ASMTL: variants seen among roughly 807,000 people sequenced by gnomAD.
ASMTL encodes the protein probable bifunctional dTTP/UTP pyrophosphatase/methyltransferase protein.
Under a neutral mutation model 60.3 loss-of-function variants are expected in ASMTL, and 57 were observed. That is an observed-to-expected ratio of 0.95 (90% confidence interval 0.76 to 1.18). ASMTL has a LOEUF of 1.18. Among genes scored for constraint, ASMTL ranks in the 50% most tolerant of loss-of-function variants. The pLI, the probability that ASMTL is intolerant of heterozygous loss-of-function variation, is 0.00. For missense variants in ASMTL, 981 were observed against 852.6 expected, an observed-to-expected ratio of 1.15 and a Z score of -1.88; for synonymous variants, 419 against 373.0, an observed-to-expected ratio of 1.12 and a Z score of -1.42.
chrX:1,439,945 C>T (rs1213705381), intron 2 of ASMTL, among the ~76,000 whole-genome samples: 1 of 152,068 alleles, frequency 6.6e-6, no homozygotes, highest in Non-Finnish European at 1.5e-5. Context: ...AACAGGCAGT[C>T]ACAGGACATC....
At chrX:1,434,365 C>T (rs1266618177) in intron 5 of ASMTL, among the ~76,000 whole-genome samples, 1 of 151,726 alleles carries the variant, frequency 6.6e-6, no homozygotes, top group Non-Finnish European at 1.5e-5. Flanking sequence ...TGGCGTGTGC[C>T]TGTAGTTTCT....
intron 4 of ASMTL, 191 bp downstream of exon 4, chrX:1,435,503 C>G (rs1340618023): frequency 4.6e-6 from 3 of 655,344 alleles, no homozygotes; most frequent in Non-Finnish European, 8.4e-6. Flanking sequence ...GCTGCAGAAT[C>G]CTAGACAAGG....
At chrX:1,415,211 G>GC (rs1268611608) in intron 11 of ASMTL, among the ~76,000 whole-genome samples, 4 of 4,176 alleles carry the variant, frequency 9.6e-4, no homozygotes, top group African/African-American at 1.1e-3. Context: ...AGAGGGCTGG[G>GC]ATTCCAGGCG....
intron 12 of ASMTL, among the ~76,000 whole-genome samples, chrX:1,404,837 T>G (rs2089748276): frequency 6.6e-6 from 1 of 151,580 alleles, no homozygotes; most frequent in African/African-American, 2.4e-5. Flanking sequence ...TGGTAGCTGA[T>G]GGATAGGTAG....
At chrX:1,427,157 G>A (rs1248538616) in intron 7 of ASMTL, among the ~76,000 whole-genome samples, 43 of 152,092 alleles carry the variant, frequency 2.8e-4, no homozygotes, top group African/African-American at 9.6e-4. Flanking sequence ...AGAAGGCCAC[G>A]TGGAGACAAA....
chrX:1,443,607 G>A (rs113093746), intron 1 of ASMTL, among the ~76,000 whole-genome samples: 21,324 of 142,392 alleles, frequency 0.15, 1,899 homozygotes, highest in Middle Eastern at 0.19. Context: ...GACAGACACC[G>A]CCATCGTGGA....
intron 1 of ASMTL, among the ~76,000 whole-genome samples, chrX:1,446,437 C>T (rs1450875273): frequency 6.6e-6 from 1 of 151,892 alleles, no homozygotes; most frequent in Non-Finnish European, 1.5e-5. Flanking sequence ...TCTACACTCT[C>T]ATGCCTCCGC....
rs377326245 is a variant in ASMTL at position 1,418,967 on chromosome X, G to C, written c.1378+15C>G. ...AAACGAAAGTAAGGAGAGCCCTGGC[G>C]GGGGGGCCACCCACCTCCCACGTCG... On this transcript the variant is annotated intron_variant, in intron 10 of 12. Transcript: ENST00000381317. 74 of 1,601,942 alleles carry C rather than the reference G, an allele frequency of 4.6e-5. No homozygotes were observed. The highest frequency in any genetic ancestry group is 2.3e-4 in the African/African-American group (15 of 66,274).
chrX:1,403,532 G>T, intron 12 of ASMTL, 43 bp from the exon 13 acceptor site: 1 of 1,582,336 alleles, frequency 6.3e-7, no homozygotes, highest in Non-Finnish European at 8.7e-7. Flanking sequence ...CCAGCCAGGC[G>T]GGGATCCTTC....
At chrX:1,404,380 AGAT>A (rs1484578662) in intron 12 of ASMTL, among the ~76,000 whole-genome samples, 1 of 150,022 alleles carries the variant, frequency 6.7e-6, no homozygotes, top group African/African-American at 2.5e-5. Context: ...AATAGATGGT[AGAT>A]GATGGGTAGG....
intron 9 of ASMTL, 56 bp downstream of exon 9, chrX:1,421,602 G>C: frequency 6.3e-7 from 1 of 1,588,190 alleles, no homozygotes; most frequent in South Asian, 1.1e-5. Context: ...GTGTGTCAAA[G>C]TGTTTTAGCA....
At chrX:1,434,935 C>G (rs181763123) in intron 5 of ASMTL, 87 bp downstream of exon 5, 17 of 1,460,630 alleles carry the variant, frequency 1.2e-5, no homozygotes, top group Non-Finnish European at 9.5e-7. Flanking sequence ...GAGCAACCGT[C>G]CTCCTCCCTC....
chrX:1,422,154 C>T (rs1359692174), intron 8 of ASMTL, among the ~76,000 whole-genome samples: 1 of 152,160 alleles, frequency 6.6e-6, no homozygotes, highest in African/African-American at 2.4e-5. Flanking sequence ...TGGCCACGCT[C>T]AAGTTCCCAG....
At chrX:1,442,771 CAAT>C (rs1245716977) in intron 1 of ASMTL, among the ~76,000 whole-genome samples, 1 of 152,150 alleles carries the variant, frequency 6.6e-6, no homozygotes, top group African/African-American at 2.4e-5. Flanking sequence ...GGAAGGGAGA[CAAT>C]GATGGCTCTA....
chrX:1,443,407 G>A (rs193002489), intron 1 of ASMTL, among the ~76,000 whole-genome samples: 17,769 of 84,962 alleles, frequency 0.21, 2,534 homozygotes, highest in African/African-American at 0.46. Flanking sequence ...TTGGACACAC[G>A]CCGCCATCTT....
rs761029416 is a variant in ASMTL at position 1,417,692 on chromosome X, C to G, written c.1522+281G>C. On this transcript the variant is annotated intron_variant, in intron 11 of 12. Coordinates refer to ENST00000381317, the MANE Select transcript of ASMTL (RefSeq NM_004192.4). ...TCACAGAAACATATGCAACCACACACCAGAGACGTGCACACACATGCGGAT... is the reference window on the plus strand; with the variant it reads ...TCACAGAAACATATGCAACCACACAGCAGAGACGTGCACACACATGCGGAT... Among the ~76,000 whole-genome samples, 70 of 151,432 alleles carry G rather than the reference C, an allele frequency of 4.6e-4. No individual in the cohort carries two copies. The South Asian group carries it at 0.014, about 30-fold the overall frequency.
In ASMTL at chrX:1,435,056, G is replaced by A. The variant is rs761044127; in HGVS notation, c.366C>T (p.Phe122=). ...SRLSGREHSV[F]TGVAIVHCSS... is the part of the protein sequence containing the mutation. ...AGCAGTGGACGATCGCGACACCTGT[G>A]AACACGCTGTGTTCTCTCCCACTCA... Residue 122 remains phenylalanine (F), a synonymous_variant, in exon 5 of 13, where the codon TTC becomes TTT. Transcript: ENST00000381317. The A allele has an allele frequency of 6.2e-7, 1 of 1,613,932 alleles. No homozygotes were observed. Among genetic ancestry groups the A allele is most frequent in the East Asian group, 2.2e-5 (1 of 44,882 alleles).
intron 12 of ASMTL, 104 bp from the exon 13 acceptor site, chrX:1,403,593 G>C: frequency 2.8e-6 from 3 of 1,062,204 alleles, no homozygotes; most frequent in Non-Finnish European, 4.2e-6. Flanking sequence ...ACGGTGAGCA[G>C]AGGCTGCTGA....
At chrX:1,419,443 C>T (rs1483291429) in intron 9 of ASMTL, among the ~76,000 whole-genome samples, 1 of 152,192 alleles carries the variant, frequency 6.6e-6, no homozygotes, top group Admixed American at 6.5e-5. Context: ...GGGTGGCCCA[C>T]AAACACCTCA....
Sources: gnomAD v4.1 joint callset for allele counts (sites outside exome capture counted in the v4.1 genomes callset) on GRCh38, gnomAD v4.1.1 for gene constraint, MANE v1.5 for transcripts, NCBI Gene and HGNC (gene_info 2026-07-23, HGNC 2026-07-21) for gene names.